Variants in RRAGD observed in about 807,000 individuals in gnomAD.
RRAGD encodes ras-related GTP-binding protein D.
In RRAGD, 12 loss-of-function variants were observed where a neutral mutation model predicts 35.5. That is an observed-to-expected ratio of 0.34 (90% CI 0.22 to 0.55). RRAGD has a LOEUF of 0.55. Ranked by LOEUF, RRAGD falls within the 20% of genes least tolerant of loss-of-function variation. The pLI, the probability that RRAGD is intolerant of heterozygous loss-of-function variation, is 0.91. For missense variants in RRAGD, 324 were observed against 490.1 expected (o/e 0.66, Z 3.20); for synonymous variants, 155 against 178.9 (o/e 0.87, Z 1.07).
rs1272265198 is a variant in RRAGD at position 89,367,864 on chromosome 6, T to C, written c.*192A>G. 9.2e-6 allele frequency: 4 copies of C among 434,028 alleles called. No individual in the cohort carries two copies. The highest frequency in any genetic ancestry group is 1.2e-5 in the Non-Finnish European group (3 of 247,520). The allele number at this position is 434,028 out of a possible 1,614,324, so 26.9% of individuals were successfully genotyped here. The stretch of plus-strand genomic sequence containing the variant: ...AATGGATTTCACATCACTGTTAATA[T>C]ACAAGTTTTTGCTTCAAAGTGCTTA... On this transcript the variant is annotated 3_prime_UTR_variant, in exon 7 of 7. Transcript: ENST00000369415.
intron 1 of RRAGD, among the ~76,000 whole-genome samples, chr6:89,409,314 C>T (rs1769649374): frequency 6.6e-6 from 1 of 152,186 alleles, no homozygotes; most frequent in Non-Finnish European, 1.5e-5. Context: ...CCACCCTCAG[C>T]CTCCCACCCA....
chr6:89,400,362 C>T (rs978772982), intron 1 of RRAGD, among the ~76,000 whole-genome samples: 7 of 151,994 alleles, frequency 4.6e-5, no homozygotes, highest in Admixed American at 1.3e-4. Context: ...TGTGGGTACT[C>T]GCTCAGAGTA....
chr6:89,410,266 G>A lies in RRAGD; in HGVS notation c.148+1580C>T, dbSNP rs1769667676. On this transcript the variant is annotated intron_variant, in intron 1 of 6. Transcript: ENST00000369415. ...TTTCCCTCCTGGATATGGCCCCTCC[G>A]CCCCCCCACTTTTTTTCTTTTTTAA... 2.0e-5 allele frequency among the ~76,000 whole-genome samples: 3 copies of A among 151,804 alleles called. No homozygotes were observed. The South Asian group carries it at 6.2e-4, about 32-fold the overall frequency.
chr6:89,402,037 G>GGTTTTTTTTTTTT (rs1194197994), intron 1 of RRAGD, among the ~76,000 whole-genome samples: 2 of 52,312 alleles, frequency 3.8e-5, no homozygotes, highest in Non-Finnish European at 6.8e-5. Flanking sequence ...AAATCCTAAG[G>GGTTTTTTTTTTTT]ATTTTTTTTT....
chr6:89,394,579 T>C (rs1769298229), intron 1 of RRAGD, among the ~76,000 whole-genome samples: 1 of 152,182 alleles, frequency 6.6e-6, no homozygotes, highest in Non-Finnish European at 1.5e-5. Flanking sequence ...TACTCAAGGA[T>C]GTAACTCCTG....
rs1768754328 is a variant in RRAGD, at chr6:89,366,660, C to A, written c.*1396G>T. ...ATCTCATTTTCTAATGCCCCACAAG[C>A]ATGCCTTAGGGTGCTAACCCTTGAG... On this transcript the variant is annotated 3_prime_UTR_variant, in exon 7 of 7. Transcript: ENST00000369415. The A allele has an allele frequency of 6.6e-6, 1 of 151,798 alleles. No individual in the cohort carries two copies. The highest frequency in any genetic ancestry group is 6.6e-5 in the Admixed American group (1 of 15,240). 9.4% of individuals were successfully genotyped at this position (151,798 alleles called of 1,614,324 possible). A position where few individuals can be genotyped will look rare whatever the true frequency, so the allele number is the denominator to read the frequency against.
intron 1 of RRAGD, among the ~76,000 whole-genome samples, chr6:89,402,739 C>A (rs979893032): frequency 2.0e-5 from 3 of 152,206 alleles, no homozygotes; most frequent in African/African-American, 7.2e-5. Context: ...AAAAATGTGA[C>A]AGGCTTGAAG....
At chr6:89,407,589 C>T (rs1036161040) in intron 1 of RRAGD, among the ~76,000 whole-genome samples, 2 of 152,116 alleles carry the variant, frequency 1.3e-5, no homozygotes, top group Admixed American at 6.5e-5. Flanking sequence ...TTGCAGTGAG[C>T]CGAGATCATG....
chr6:89,369,253 A>C (rs1768817416), intron 6 of RRAGD, among the ~76,000 whole-genome samples: 2 of 152,238 alleles, frequency 1.3e-5, no homozygotes, highest in Non-Finnish European at 2.9e-5. Context: ...TCAAGGAAAG[A>C]CCAATGTCAC....
intron 2 of RRAGD, among the ~76,000 whole-genome samples, chr6:89,384,550 C>T (rs1164559751): frequency 6.6e-6 from 1 of 152,168 alleles, no homozygotes; most frequent in Non-Finnish European, 1.5e-5. Context: ...GGCGTGGTGG[C>T]TCACGCCTGT....
At chr6:89,400,574 C>T (rs1769439947) in intron 1 of RRAGD, among the ~76,000 whole-genome samples, 1 of 150,694 alleles carries the variant, frequency 6.6e-6, no homozygotes, top group African/African-American at 2.4e-5. Context: ...ATCTGAGGAT[C>T]CAGGGTTCAA....
intron 1 of RRAGD, among the ~76,000 whole-genome samples, chr6:89,407,042 C>T (rs1204143477): frequency 6.6e-6 from 1 of 152,202 alleles, no homozygotes; most frequent in Non-Finnish European, 1.5e-5. Flanking sequence ...GAAAGGTATT[C>T]TTACAAACTT....
chr6:89,389,751 G>A (rs142529652), intron 1 of RRAGD, among the ~76,000 whole-genome samples: 4 of 152,216 alleles, frequency 2.6e-5, no homozygotes, highest in East Asian at 1.9e-4. Context: ...AGTATAGACC[G>A]TGGTTCAGTG....
chr6:89,406,472 C>T (rs964926040), intron 1 of RRAGD, among the ~76,000 whole-genome samples: 49 of 151,974 alleles, frequency 3.2e-4, no homozygotes, highest in African/African-American at 1.2e-3. Flanking sequence ...GGCTGGACAT[C>T]GAGAGGAGTG....
At chr6:89,407,102 T>C (rs1769595980) in intron 1 of RRAGD, among the ~76,000 whole-genome samples, 1 of 152,216 alleles carries the variant, frequency 6.6e-6, no homozygotes, top group Admixed American at 6.5e-5. Context: ...CGCAGTCCTC[T>C]ATTTTATACA....
At chr6:89,410,161 T>C (rs918796516) in intron 1 of RRAGD, among the ~76,000 whole-genome samples, 1 of 152,174 alleles carries the variant, frequency 6.6e-6, no homozygotes, top group African/African-American at 2.4e-5. Context: ...AGTGCCCACT[T>C]AAAGAACTGC....
intron 6 of RRAGD, 60 bp from the exon 7 acceptor site, chr6:89,368,267 T>C: frequency 3.9e-6 from 6 of 1,521,390 alleles, no homozygotes; most frequent in Non-Finnish European, 5.4e-6. Context: ...CATCTTTTCA[T>C]GGGACCCATG....
chr6:89,386,907 C>T (rs1294204537), intron 2 of RRAGD, among the ~76,000 whole-genome samples: 1 of 151,956 alleles, frequency 6.6e-6, no homozygotes, highest in Non-Finnish European at 1.5e-5. Flanking sequence ...ATTTTCACAC[C>T]TAGAACTTTA....
intron 1 of RRAGD, among the ~76,000 whole-genome samples, chr6:89,404,504 C>G (rs552761145): frequency 2.0e-4 from 31 of 152,298 alleles, no homozygotes; most frequent in Middle Eastern, 3.4e-3. Context: ...CTCTCCTCCA[C>G]TTGGTGCTAT....
Sources: allele counts gnomAD v4.1 joint callset (sites outside exome capture counted in the v4.1 genomes callset), GRCh38; gene constraint gnomAD v4.1.1; transcripts MANE v1.5; gene names NCBI Gene and HGNC (gene_info 2026-07-23, HGNC 2026-07-21).